Variants in TAF1L observed in about 807,000 individuals in gnomAD.
The protein encoded by TAF1L is TATA-box binding protein associated factor 1 like.
Under a neutral mutation model 128.8 loss-of-function variants are expected in TAF1L, and 30 were observed. The observed-to-expected ratio is 0.23, with a 90% confidence interval of 0.17 to 0.32. The LOEUF is 0.32. Ranked by LOEUF, TAF1L falls within the 10% of genes least tolerant of loss-of-function variation. TAF1L has a pLI of 1.00. For missense variants in TAF1L, 2,099 were observed against 2,253.7 expected (o/e 0.93, Z 1.39); for synonymous variants, 764 against 790.7 (o/e 0.97, Z 0.57).
Position 32,632,296 on chromosome 9 carries a change from A to G in TAF1L, c.3284T>C (p.Val1095Ala), listed in dbSNP as rs778251593. 15 of 1,614,204 alleles carry G rather than the reference A, an allele frequency of 9.3e-6. No homozygotes were observed. Among genetic ancestry groups the G allele is most frequent in the Non-Finnish European group, 1.2e-5 (14 of 1,180,046 alleles). The change falls in exon 1 of 1, where the codon GTT becomes GCT. Residue 1095 changes from valine (V) to alanine (A), a missense_variant. By Grantham distance (64) the Val-to-Ala change is moderately conservative. Coordinates refer to ENST00000242310, the MANE Select transcript of TAF1L (RefSeq NM_153809.2). This position sits in a 1 kb window ranked among gnomAD's most constrained non-coding sequence, Gnocchi z 4.4. ...CQRIFDLQNK[V>A]LSSTEVLSTD... is the part of the protein sequence containing the mutation. ...TGATAAGACCTCAGTTGATGACAGAACCTTGTTCTGTAGGTCAAAGATACG... is the reference window on the plus strand; with the variant it reads ...TGATAAGACCTCAGTTGATGACAGAGCCTTGTTCTGTAGGTCAAAGATACG...
chr9:32,630,082 G>T lies in TAF1L; in HGVS notation c.*17C>A. 6.2e-7 allele frequency: 1 copy of T among 1,613,826 alleles called. No homozygotes were observed. Among genetic ancestry groups the T allele is most frequent in the East Asian group, 2.2e-5 (1 of 44,866 alleles). On this transcript the variant is annotated 3_prime_UTR_variant, in exon 1 of 1. Coordinates refer to ENST00000242310, the MANE Select transcript of TAF1L (RefSeq NM_153809.2). ...GAAGCCTCCCCACCGTCTCCCTCAT[G>T]GGACATCATGCTTTCTTCATTTTCC...
At position 32,629,954 on chromosome 9, in the gene TAF1L, C is replaced by G. The variant is rs1380288282; in HGVS notation, c.*145G>C. On this transcript the variant is annotated 3_prime_UTR_variant, in exon 1 of 1. Coordinates refer to ENST00000242310, the MANE Select transcript of TAF1L (RefSeq NM_153809.2). ...TACAGGTGTGAGCCACCATGCCCAG[C>G]TGGAAATTTCCGATGCTGCTGAAGC... is the stretch of plus-strand genomic sequence containing the variant. 1 of 1,491,694 alleles carries G rather than the reference C, an allele frequency of 6.7e-7. No homozygotes were observed. The highest frequency in any genetic ancestry group is 9.0e-7 in the Non-Finnish European group (1 of 1,108,134). 92.4% of individuals were successfully genotyped at this position (1,491,694 alleles called of 1,614,324 possible).
chr9:32,635,573 G>C lies in TAF1L; in HGVS notation c.7C>G (p.Pro3Ala), dbSNP rs758696734. The C allele has an allele frequency of 1.9e-6, 3 of 1,612,316 alleles. No homozygotes were observed. The highest frequency in any genetic ancestry group is 2.2e-5 in the East Asian group (1 of 44,844). MR[P>A]GCDLLLRAAA... is the part of the protein sequence containing the mutation. ...GCCCTCAGCAGCAAATCGCAGCCGG[G>C]TCGCATAAACCGGAAATAAAACAAC... The change falls in exon 1 of 1, where the codon CCC becomes GCC. Residue 3 changes from proline to alanine, a missense_variant. By Grantham distance (27) the Pro-to-Ala change is conservative. This residue lies in a region of TAF1L where 473 missense variants were observed against 429.6 expected (regional missense o/e 1.10). Coordinates refer to ENST00000242310, the MANE Select transcript of TAF1L (RefSeq NM_153809.2).
rs373008575 is a variant in TAF1L at position 32,634,228 on chromosome 9, C to T, written c.1352G>A (p.Ser451Asn). The T allele has an allele frequency of 9.3e-6, 15 of 1,614,082 alleles. No individual in the cohort carries two copies. In the African/African-American group the frequency reaches 1.6e-4, roughly 17 times the overall value. Residue 451 changes from serine (S) to asparagine (N), a missense_variant, in exon 1 of 1, where the codon AGC becomes AAC. Ser to Asn is a conservative substitution (Grantham distance 46). This residue lies in a region of TAF1L where 1,213 missense variants were observed against 1,391.4 expected (regional missense o/e 0.87). Coordinates refer to ENST00000242310, the MANE Select transcript of TAF1L (RefSeq NM_153809.2). ...AATAGAAGGAAGCCAGCCTGCCAGGCTTGCACCCTGAGGTTTTGTCCCTTT... is the reference window on the plus strand; with the variant it reads ...AATAGAAGGAAGCCAGCCTGCCAGGTTTGCACCCTGAGGTTTTGTCCCTTT... ...KHKGTKPQGA[S>N]LAGWLPSIKT...
In TAF1L at chr9:32,629,500, G is replaced by A. The variant is rs79000241; in HGVS notation, c.*599C>T. On this transcript the variant is annotated 3_prime_UTR_variant, in exon 1 of 1. Transcript: ENST00000242310. The stretch of plus-strand genomic sequence containing the variant: ...ATTTGCCTCAAATCCATATAGGAAC[G>A]AGGCATTGTATAATTAAATAAACAA... 121 of 153,594 alleles carry A rather than the reference G, an allele frequency of 7.9e-4. 2 individuals carry two copies. The East Asian group carries it at 0.013, about 17-fold the overall frequency. 9.5% of individuals were successfully genotyped at this position (153,594 alleles called of 1,614,324 possible). A position where few individuals can be genotyped will look rare whatever the true frequency, so the allele number is the denominator to read the frequency against.
chr9:32,633,019 G>A lies in TAF1L; in HGVS notation c.2561C>T (p.Pro854Leu). 1.2e-6 allele frequency: 2 copies of A among 1,614,192 alleles called. No individual in the cohort carries two copies. The highest frequency in any genetic ancestry group is 1.7e-6 in the Non-Finnish European group (2 of 1,180,044). ...IRMEDIKKAF[P>L]SHSESSIRKR... ...CCGGATGCTGCTTTCTGAATGGGAA[G>A]GAAAGGCTTTTTTTATATCTTCCAT... Residue 854 changes from proline to leucine, a missense_variant, in exon 1 of 1, where the codon CCT becomes CTT. By Grantham distance (98) the Pro-to-Leu change is moderately conservative (BLOSUM62 -3). Transcript: ENST00000242310.
Position 32,632,628 on chromosome 9 carries a change from A to G in TAF1L, c.2952T>C (p.Tyr984=), listed in dbSNP as rs770217679. 3 of 1,614,222 alleles carry G rather than the reference A, an allele frequency of 1.9e-6. No homozygotes were observed. The highest frequency in any genetic ancestry group is 4.5e-5 in the East Asian group (2 of 44,884). ...DPTGCGEGFS[Y]VKIPNKPTQQ... ...GTGTTGGTTTATTTGGAATCTTCAC[A>G]TAGGAGAATCCTTCACCACACCCTG... is the stretch of plus-strand genomic sequence containing the variant. The change falls in exon 1 of 1, where the codon TAT becomes TAC. Residue 984 remains tyrosine (Y), a synonymous_variant. Transcript: ENST00000242310. The surrounding 1 kb of genome is among the most constrained non-coding windows in gnomAD (Gnocchi z 4.4).
chr9:32,635,642 G>C lies in TAF1L; in HGVS notation c.-63C>G. ...TACTTAGCTCCCTTACCCTACCAGC[G>C]TCTACCGGAAGCTGAATAAAGGCGG... On this transcript the variant is annotated 5_prime_UTR_variant, in exon 1 of 1. Coordinates refer to ENST00000242310, the MANE Select transcript of TAF1L (RefSeq NM_153809.2). The C allele has an allele frequency of 1.5e-6, 2 of 1,295,842 alleles. No homozygotes were observed. Among genetic ancestry groups the C allele is most frequent in the Non-Finnish European group, 2.0e-6 (2 of 988,404 alleles). 80.3% of individuals were successfully genotyped at this position (1,295,842 alleles called of 1,614,324 possible). A position where few individuals can be genotyped will look rare whatever the true frequency, so the allele number is the denominator to read the frequency against.
In TAF1L at chr9:32,631,982, G is replaced by A. The variant is rs1388559488; in HGVS notation, c.3598C>T (p.Arg1200Cys). 31 of 1,614,038 alleles carry A rather than the reference G, an allele frequency of 1.9e-5. No individual in the cohort carries two copies. The highest frequency in any genetic ancestry group is 2.5e-5 in the Non-Finnish European group (30 of 1,180,040). ...GCTGGTTTTCGGACTGTCTCACAGC[G>A]AACATACTCTTTCCCCTCTTCATCT... ...FRDEEGKEYV[R>C]CETVRKPAVI... Residue 1200 changes from arginine (R) to cysteine (C), a missense_variant, in exon 1 of 1, where the codon CGC becomes TGC. Physicochemically the swap from Arg to Cys is radical, Grantham distance 180. Around this residue, in one of 4 missense-constraint regions of TAF1L, gnomAD observed 1,213 missense variants for 1,391.4 expected, o/e 0.87. Transcript: ENST00000242310. This position sits in a 1 kb window ranked among gnomAD's most constrained non-coding sequence, Gnocchi z 4.1.
chr9:32,630,972 C>G lies in TAF1L; in HGVS notation c.4608G>C (p.Gln1536His), dbSNP rs1335163710. ...FSFILDNIVTQKMMAVPDSWP... is the reference protein window; with the variant it reads ...FSFILDNIVTHKMMAVPDSWP... ...AAGAATCTGGAACTGCCATCATTTT[C>G]TGGGTGACAATGTTGTCCAGAATGA... Residue 1536 changes from glutamine to histidine, a missense_variant, in exon 1 of 1, where the codon CAG (glutamine) becomes CAC (histidine). Physicochemically the swap from Gln to His is conservative, Grantham distance 24. This residue lies in a region of TAF1L where 404 missense variants were observed against 406.5 expected (regional missense o/e 0.99). Transcript: ENST00000242310. The G allele has an allele frequency of 1.2e-6, 2 of 1,614,182 alleles. No homozygotes were observed. Among genetic ancestry groups the G allele is most frequent in the Non-Finnish European group, 8.5e-7 (1 of 1,180,042 alleles).
Position 32,634,199 on chromosome 9 carries a change from T to A in TAF1L, c.1381A>T (p.Thr461Ser), listed in dbSNP as rs542911487. Residue 461 changes from threonine (T) to serine (S), a missense_variant, in exon 1 of 1, where the codon ACT becomes TCT. Thr to Ser is a moderately conservative substitution (Grantham distance 58). Coordinates refer to ENST00000242310, the MANE Select transcript of TAF1L (RefSeq NM_153809.2). ...ACATTGTAAGCCATTACATTCCTAG[T>A]CTTAATAGAAGGAAGCCAGCCTGCC... Reference protein sequence around the residue: ...SLAGWLPSIKTRNVMAYNVQQ... With the variant: ...SLAGWLPSIKSRNVMAYNVQQ... 1 of 1,614,084 alleles carries A rather than the reference T, an allele frequency of 6.2e-7. No individual in the cohort carries two copies. Among genetic ancestry groups the A allele is most frequent in the Admixed American group, 1.7e-5 (1 of 60,024 alleles).
chr9:32,631,671 T>A lies in TAF1L; in HGVS notation c.3909A>T (p.Gln1303His), dbSNP rs556653761. Residue 1303 changes from glutamine (Q) to histidine (H), a missense_variant, in exon 1 of 1, where the codon CAA becomes CAT. Gln to His is a conservative substitution (Grantham distance 24). Coordinates refer to ENST00000242310, the MANE Select transcript of TAF1L (RefSeq NM_153809.2). This position sits in a 1 kb window ranked among gnomAD's most constrained non-coding sequence, Gnocchi z 4.1. The part of the protein sequence containing the change: ...RTNKFCPLYY[Q>H]TNVPPSKPVA... ...CAGGTTTCGAAGGTGGCACATTTGT[T>A]TGATAATAGAGGGGGCAGAATTTGT... The A allele has an allele frequency of 6.2e-7, 1 of 1,614,216 alleles. No individual in the cohort carries two copies. The highest frequency in any genetic ancestry group is 1.7e-5 in the Admixed American group (1 of 60,032).
rs986200622 is a variant in TAF1L, at chr9:32,634,129, T to C, written c.1451A>G (p.Tyr484Cys). The C allele has an allele frequency of 1.2e-6, 2 of 1,614,114 alleles. No individual in the cohort carries two copies. The highest frequency in any genetic ancestry group is 1.7e-6 in the Non-Finnish European group (2 of 1,180,040). Residue 484 changes from tyrosine (Y) to cysteine (C), a missense_variant, in exon 1 of 1, where the codon TAC becomes TGC. Transcript: ENST00000242310. ...APTLDDDKPW[Y>C]SIFPIDNEDL... ...CTCATTGTCAATGGGAAAAATGGAG[T>C]ACCAAGGTTTGTCATCATCCAGAGT...
chr9:32,632,712 G>A lies in TAF1L; in HGVS notation c.2868C>T (p.Ala956=), dbSNP rs140546243. ...ACTTGCCCTTCATGGCAGCAATGAA[G>A]GCCCTTGTGGTGTTCCAAGGAGCAG... ...VHAAPWNTTR[A]FIAAMKGKCL... Residue 956 remains alanine, a synonymous_variant, in exon 1 of 1, where the codon GCC becomes GCT. Transcript: ENST00000242310. The surrounding 1 kb of genome is among the most constrained non-coding windows in gnomAD (Gnocchi z 4.4). The A allele has an allele frequency of 1.2e-5, 20 of 1,614,046 alleles. No individual in the cohort carries two copies. The highest frequency in any genetic ancestry group is 1.6e-4 in the Middle Eastern group (1 of 6,084).
In TAF1L at chr9:32,633,260, G is replaced by C. The variant is rs2119086805; in HGVS notation, c.2320C>G (p.His774Asp). Residue 774 changes from histidine (H) to aspartate (D), a missense_variant, in exon 1 of 1, where the codon CAT becomes GAT. Around this residue, in one of 4 missense-constraint regions of TAF1L, gnomAD observed 1,213 missense variants for 1,391.4 expected, o/e 0.87. Coordinates refer to ENST00000242310, the MANE Select transcript of TAF1L (RefSeq NM_153809.2). ...AGAAAATCAGTTTCTGGCATCTTAT[G>C]AAGATACACTGGAGCACGAAAAAGG... The part of the protein sequence containing the change: ...NNLFRAPVYL[H>D]KMPETDFLII... 1 of 1,614,156 alleles carries C rather than the reference G, an allele frequency of 6.2e-7. No individual in the cohort carries two copies. Among genetic ancestry groups the C allele is most frequent in the East Asian group, 2.2e-5 (1 of 44,882 alleles).
At position 32,633,327 on chromosome 9, in the gene TAF1L, G is replaced by A. The variant is rs141677293; in HGVS notation, c.2253C>T (p.Gly751=). The A allele has an allele frequency of 1.9e-5, 31 of 1,614,092 alleles. No homozygotes were observed. The highest frequency in any genetic ancestry group is 2.5e-5 in the Non-Finnish European group (29 of 1,180,046). Residue 751 remains glycine, a synonymous_variant, in exon 1 of 1, where the codon GGC becomes GGT. Coordinates refer to ENST00000242310, the MANE Select transcript of TAF1L (RefSeq NM_153809.2). ...TVYCHTSPFL[G]SLHPGQLLQA... The stretch of plus-strand genomic sequence containing the variant: ...GCAGTAATTGGCCAGGATGGAGAGA[G>A]CCCAAGAAAGGAGATGTATGGCAGT...
At position 32,630,949 on chromosome 9, in the gene TAF1L, G is replaced by T. The variant is rs767720753; in HGVS notation, c.4631C>A (p.Ser1544Tyr). ...VTQKMMAVPDSWPFHHPVNKK... is the reference protein window; with the variant it reads ...VTQKMMAVPDYWPFHHPVNKK... ...ATTAACTGGGTGATGAAATGGCCAAGAATCTGGAACTGCCATCATTTTCTG... is the reference window on the plus strand; with the variant it reads ...ATTAACTGGGTGATGAAATGGCCAATAATCTGGAACTGCCATCATTTTCTG... Residue 1544 changes from serine (S) to tyrosine (Y), a missense_variant, in exon 1 of 1, where the codon TCT becomes TAT. Physicochemically the swap from Ser to Tyr is moderately radical, Grantham distance 144. This residue lies in a region of TAF1L where 404 missense variants were observed against 406.5 expected (regional missense o/e 0.99). Transcript: ENST00000242310. 1.2e-6 allele frequency: 2 copies of T among 1,614,116 alleles called. No homozygotes were observed. The highest frequency in any genetic ancestry group is 1.7e-6 in the Non-Finnish European group (2 of 1,180,060).
rs747252762 is a variant in TAF1L, at chr9:32,633,615, G to A, written c.1965C>T (p.Val655=). The A allele has an allele frequency of 5.6e-6, 9 of 1,614,102 alleles. No individual in the cohort carries two copies. The South Asian group carries it at 8.8e-5, about 16-fold the overall frequency. Residue 655 remains valine, a synonymous_variant, in exon 1 of 1, where the codon GTC becomes GTT. Transcript: ENST00000242310. The stretch of plus-strand genomic sequence containing the variant: ...TTTTGATGTGCTTTAGCAAAGGTTG[G>A]ACTGAATGGGGACCTGGCTGAGAGA... ...GALSQPGPHS[V]QPLLKHIKKK... is the part of the protein sequence containing the mutation.
In TAF1L at chr9:32,635,099, G is replaced by A. The variant is rs1001893771; in HGVS notation, c.481C>T (p.Pro161Ser). The change falls in exon 1 of 1, where the codon CCC (proline) becomes TCC (serine). Residue 161 changes from proline (P) to serine (S), a missense_variant. Pro to Ser is a moderately conservative substitution (Grantham distance 74). Transcript: ENST00000242310. ...TTATCCTTCTTCATTGGTCCCGGGG[G>A]TGGAGGTGGAGGAGGCATCAACTTG... ...DCKLMPPPPP[P>S]PGPMKKDKDQ... The A allele has an allele frequency of 6.2e-7, 1 of 1,614,048 alleles. No individual in the cohort carries two copies. The highest frequency in any genetic ancestry group is 1.3e-5 in the African/African-American group (1 of 74,906).
Sources: gnomAD v4.1 joint callset for allele counts on GRCh38, gnomAD v4.1.1 for gene constraint, gnomAD v4.1.1 regional missense constraint, Gnocchi (gnomAD v3.1) non-coding constraint, MANE v1.5 for transcripts, NCBI Gene and HGNC (gene_info 2026-07-23, HGNC 2026-07-21) for gene names.